The following TRIO variants were observed in gnomAD, a reference collection of about 807,000 sequenced individuals.
TRIO encodes the protein trio Rho guanine nucleotide exchange factor, also known as triple functional domain protein.
Under a neutral mutation model 351.9 loss-of-function variants are expected in TRIO, and 58 were observed. The ratio of observed to expected loss-of-function variants is 0.16; its 90% CI spans 0.13 to 0.21. TRIO has a LOEUF of 0.21. Ranked by LOEUF, TRIO falls within the 10% of genes least tolerant of loss-of-function variation. TRIO has a pLI of 1.00. For missense variants in TRIO, 3,201 were observed against 4,027.8 expected, an observed-to-expected ratio of 0.79 and a Z score of 5.56; for synonymous variants, 1,758 against 1,595.7, an observed-to-expected ratio of 1.10 and a Z score of -2.42.
At chr5:14,269,501 C>A (rs946011968) in intron 1 of TRIO, among the ~76,000 whole-genome samples, 1 of 152,156 alleles carries the variant, frequency 6.6e-6, no homozygotes, top group Non-Finnish European at 1.5e-5. Flanking sequence ...TAATCCTTAG[C>A]AGGGCTGCTT....
Position 14,510,096 on chromosome 5 carries a change from G to A in TRIO, c.*1674G>A, listed in dbSNP as rs1409063143. The A allele has an allele frequency of 6.6e-6, 1 of 152,060 alleles. No homozygotes were observed. The highest frequency in any genetic ancestry group is 1.5e-5 in the Non-Finnish European group (1 of 68,016). The allele number at this position is 152,060 out of a possible 1,614,324, so 9.4% of individuals were successfully genotyped here. A position where few individuals can be genotyped will look rare whatever the true frequency, so the allele number is the denominator to read the frequency against. On this transcript the variant is annotated 3_prime_UTR_variant, in exon 57 of 57. Coordinates refer to ENST00000344204, the MANE Select transcript of TRIO (RefSeq NM_007118.4). ...TTCAGTTAAATTTTTACATTATTTTGCATGTATATTTCTTTGTACAGAGAC... is the reference window on the plus strand; with the variant it reads ...TTCAGTTAAATTTTTACATTATTTTACATGTATATTTCTTTGTACAGAGAC...
intron 30 of TRIO, among the ~76,000 whole-genome samples, chr5:14,400,655 T>C (rs1422266087): frequency 6.6e-6 from 1 of 152,168 alleles, no homozygotes; most frequent in Non-Finnish European, 1.5e-5. Flanking sequence ...AGATTGCAAA[T>C]AGTCGAATCT....
At position 14,419,874 on chromosome 5, in the gene TRIO, C is replaced by A. The variant is rs749494831; in HGVS notation, c.5056C>A (p.Leu1686Met). 6.2e-7 allele frequency: 1 copy of A among 1,614,046 alleles called. No homozygotes were observed. ...CCGACGGGGCCAGACCGTGGAAGTT[C>A]TGGAGCGGCCGCATGACAAGCCTGA... ...TIRRGQTVEV[L>M]ERPHDKPDWC... The change falls in exon 34 of 57, where the codon CTG (leucine) becomes ATG (methionine). Residue 1686 changes from leucine (L) to methionine (M), a missense_variant. Physicochemically the swap from Leu to Met is conservative, Grantham distance 15. Transcript: ENST00000344204.
At chr5:14,219,252 T>G (rs1328754410) in intron 1 of TRIO, among the ~76,000 whole-genome samples, 1 of 150,894 alleles carries the variant, frequency 6.6e-6, no homozygotes, top group Non-Finnish European at 1.5e-5. Flanking sequence ...TTTTTTTTGT[T>G]TACTCTGCAA....
intron 48 of TRIO, chr5:14,488,905 G>C (rs968196851): frequency 1.3e-6 from 1 of 756,102 alleles, no homozygotes; most frequent in African/African-American, 1.7e-5. Context: ...GGTCCCTGCG[G>C]CCTGCTGGGC....
chr5:14,484,259 C>A (rs558857912), intron 46 of TRIO, among the ~76,000 whole-genome samples: 205 of 152,236 alleles, frequency 1.3e-3, no homozygotes, highest in Non-Finnish European at 2.2e-3. Context: ...ATATCACATA[C>A]AATTTTATAA....
intron 31 of TRIO, 27 bp downstream of exon 31, chr5:14,401,091 G>A: frequency 1.9e-6 from 3 of 1,588,744 alleles, no homozygotes; most frequent in Non-Finnish European, 2.6e-6. Context: ...CTGGGAATGT[G>A]CTGTTTGAAA....
chr5:14,162,397 C>T (rs1788520995), intron 1 of TRIO, among the ~76,000 whole-genome samples: 1 of 152,180 alleles, frequency 6.6e-6, no homozygotes, highest in African/African-American at 2.4e-5. Context: ...ATTTAACACT[C>T]TTCTAGCCCA....
At chr5:14,233,461 G>C (rs1465601163) in intron 1 of TRIO, among the ~76,000 whole-genome samples, 1 of 151,886 alleles carries the variant, frequency 6.6e-6, no homozygotes, top group Non-Finnish European at 1.5e-5. Context: ...CTGCATTCCA[G>C]CCTGGGTGAC....
chr5:14,236,068 T>TTTGC (rs397796669), intron 1 of TRIO, among the ~76,000 whole-genome samples: 2 of 151,790 alleles, frequency 1.3e-5, no homozygotes, highest in East Asian at 3.9e-4. Flanking sequence ...AAATAATTTG[T>TTTGC]GGTAGAAACC....
chr5:14,174,555 G>A (rs1239137052), intron 1 of TRIO, among the ~76,000 whole-genome samples: 1 of 152,176 alleles, frequency 6.6e-6, no homozygotes, highest in African/African-American at 2.4e-5. Context: ...GATGGGTCAG[G>A]CCATCTGGTC....
intron 9 of TRIO, among the ~76,000 whole-genome samples, chr5:14,327,585 C>G (rs1233189709): frequency 6.6e-6 from 1 of 152,110 alleles, no homozygotes; most frequent in African/African-American, 2.4e-5. Context: ...TATGGACTTT[C>G]CAGTAATCAT....
chr5:14,238,381 G>A (rs1793913946), intron 1 of TRIO, among the ~76,000 whole-genome samples: 1 of 152,096 alleles, frequency 6.6e-6, no homozygotes, highest in Non-Finnish European at 1.5e-5. Flanking sequence ...TTTCCCTCCT[G>A]CATGGTATGG....
intron 42 of TRIO, 74 bp from the exon 43 acceptor site, chr5:14,479,845 G>A: frequency 7.4e-7 from 1 of 1,355,566 alleles, no homozygotes; most frequent in Non-Finnish European, 1.0e-6. Context: ...TAGTCTTTCT[G>A]ACAATTACAA....
At chr5:14,492,347 C>T in intron 48 of TRIO, 1 of 604,844 alleles carries the variant, frequency 1.7e-6, no homozygotes, top group Non-Finnish European at 2.8e-6. Context: ...TTAAGAGCGT[C>T]CCTAAATTGC....
Position 14,497,859 on chromosome 5 carries a change from A to G in TRIO, c.8032A>G (p.Asn2678Asp). The G allele has an allele frequency of 6.2e-7, 1 of 1,614,202 alleles. No homozygotes were observed. Among genetic ancestry groups the G allele is most frequent in the Non-Finnish European group, 8.5e-7 (1 of 1,180,046 alleles). Reference sequence around the variant, plus strand: ...GTTTCCATTTCAGCTTCTCAATCCCAACTACATTTATGACGGTGAGTTCTG... The same window carrying G: ...GTTTCCATTTCAGCTTCTCAATCCCGACTACATTTATGACGGTGAGTTCTG... Reference protein sequence around the residue: ...NKVSVKLLNPNYIYDVPPEFV... With the variant: ...NKVSVKLLNPDYIYDVPPEFV... Residue 2678 changes from asparagine to aspartate, a missense_variant, in exon 51 of 57, where the codon AAC (asparagine) becomes GAC (aspartate). Physicochemically the swap from Asn to Asp is conservative, Grantham distance 23. Coordinates refer to ENST00000344204, the MANE Select transcript of TRIO (RefSeq NM_007118.4). This position sits in a 1 kb window ranked among gnomAD's most constrained non-coding sequence, Gnocchi z 4.4.
At chr5:14,479,188 T>C (rs1426201101) in intron 41 of TRIO, 73 bp from the exon 42 acceptor site, 2 of 1,261,440 alleles carry the variant, frequency 1.6e-6, no homozygotes, top group East Asian at 2.3e-5. Context: ...TGTGCTGAAA[T>C]GTGCGGGTAC....
At chr5:14,164,679 A>C (rs1788663039) in intron 1 of TRIO, among the ~76,000 whole-genome samples, 1 of 152,162 alleles carries the variant, frequency 6.6e-6, no homozygotes, top group Non-Finnish European at 1.5e-5. Context: ...TTAGTAGGGA[A>C]ATGTAAACTT....
chr5:14,183,970 G>A (rs354300), intron 1 of TRIO: 582,179 of 695,210 alleles, frequency 0.84, 246,002 homozygotes, highest in East Asian at 0.99. Flanking sequence ...GTAAGGATGT[G>A]TCCCAGACTT....
Sources: gnomAD v4.1 joint callset for allele counts (sites outside exome capture counted in the v4.1 genomes callset) on GRCh38, gnomAD v4.1.1 for gene constraint, Gnocchi (gnomAD v3.1) non-coding constraint, MANE v1.5 for transcripts, NCBI Gene and HGNC (gene_info 2026-07-23, HGNC 2026-07-21) for gene names.